KCNIP4: variants seen among roughly 807,000 people sequenced by gnomAD.
KCNIP4 encodes potassium voltage-gated channel interacting protein 4, also known as Kv channel-interacting protein 4.
KCNIP4 carries 12 observed loss-of-function variants against 34.0 expected under a neutral mutation model. The observed-to-expected ratio is 0.35, with a 90% CI of 0.23 to 0.57. The LOEUF (loss-of-function observed/expected upper bound fraction) is 0.57, where lower values mean the gene tolerates loss of function less well. KCNIP4 is among the 20% of genes least tolerant of loss of function. The pLI is 0.83. For synonymous variants in KCNIP4, 124 were observed against 102.2 expected, an observed-to-expected ratio of 1.21 and a Z score of -1.29; for missense variants, 238 against 311.7, an observed-to-expected ratio of 0.76 and a Z score of 1.78.
chr4:21,190,498 C>T (rs201433014), intron 1 of KCNIP4, among the ~76,000 whole-genome samples: 21 of 108,974 alleles, frequency 1.9e-4, no homozygotes, highest in Admixed American at 1.7e-3. Context: ...TTTCTTTTTG[C>T]GAGTGGGTGG....
At chr4:21,603,524 T>G (rs1743382417) in intron 1 of KCNIP4, among the ~76,000 whole-genome samples, 1 of 152,170 alleles carries the variant, frequency 6.6e-6, no homozygotes, top group Admixed American at 6.5e-5. Context: ...TACATTTTAT[T>G]AACTAAGAGG....
At chr4:21,451,704 A>T (rs867530802) in intron 1 of KCNIP4, among the ~76,000 whole-genome samples, 38 of 152,254 alleles carry the variant, frequency 2.5e-4, no homozygotes, top group Middle Eastern at 3.4e-3. Flanking sequence ...AAGCTTTACC[A>T]AACACGTCAG....
intron 1 of KCNIP4, among the ~76,000 whole-genome samples, chr4:21,832,057 T>G (rs550317930): frequency 2.0e-5 from 3 of 152,180 alleles, no homozygotes; most frequent in African/African-American, 7.2e-5. Context: ...CAAGTAAAAT[T>G]TATCCCTAGG....
At chr4:21,225,957 A>G (rs1468906432) in intron 1 of KCNIP4, among the ~76,000 whole-genome samples, 2 of 151,860 alleles carry the variant, frequency 1.3e-5, no homozygotes, top group East Asian at 1.9e-4. Context: ...AGCTTCAACA[A>G]TCTGTGACAA....
Position 21,550,320 on chromosome 4 carries a change from T to C in KCNIP4, c.61+398251A>G, listed in dbSNP as rs147033225. Among the ~76,000 whole-genome samples the C allele has an allele frequency of 2.8e-3, 427 of 152,202 alleles. 1 individual carries two copies. The highest frequency in any genetic ancestry group is 0.01 in the Middle Eastern group (3 of 294). On this transcript the variant is annotated intron_variant, in intron 1 of 8. Transcript: ENST00000382152. The stretch of plus-strand genomic sequence containing the variant: ...ATTAACATTGGAAGCAATTCTGTGC[T>C]TGAAAACTTGATCAGTCAAAGAGGG...
chr4:21,688,789 C>T (rs1413855401), intron 1 of KCNIP4, among the ~76,000 whole-genome samples: 2 of 151,872 alleles, frequency 1.3e-5, no homozygotes, highest in Non-Finnish European at 2.9e-5. Flanking sequence ...ACTTCCTGTT[C>T]CTACAAATAA....
At chr4:21,447,871 C>G (rs1236803643) in intron 1 of KCNIP4, among the ~76,000 whole-genome samples, 1 of 152,044 alleles carries the variant, frequency 6.6e-6, no homozygotes, top group Non-Finnish European at 1.5e-5. Flanking sequence ...GACTCACATC[C>G]CAGGCAGGAT....
At position 21,532,505 on chromosome 4, in the gene KCNIP4, G is replaced by A. The variant is rs556044593; in HGVS notation, c.61+416066C>T. ...TTGTTGTGCATGCTGAAAGACCACA[G>A]TGGGAAGCACACAGGCAGAGGGAAA... is the stretch of plus-strand genomic sequence containing the variant. On this transcript the variant is annotated intron_variant, in intron 1 of 8. Transcript: ENST00000382152. Among the ~76,000 whole-genome samples, 3 of 152,288 alleles carry A rather than the reference G, an allele frequency of 2.0e-5. No individual in the cohort carries two copies. The South Asian group carries it at 6.2e-4, about 32-fold the overall frequency.
At chr4:21,373,059 T>C (rs963493242) in intron 1 of KCNIP4, among the ~76,000 whole-genome samples, 1 of 91,056 alleles carries the variant, frequency 1.1e-5, no homozygotes, top group Non-Finnish European at 2.1e-5. Flanking sequence ...ATGGATTGGA[T>C]AAAATGGCTC....
intron 3 of KCNIP4, among the ~76,000 whole-genome samples, chr4:20,811,629 T>C (rs1245885617): frequency 6.6e-6 from 1 of 152,182 alleles, no homozygotes; most frequent in Non-Finnish European, 1.5e-5. Flanking sequence ...GTTTGTGTTT[T>C]TAAATAAAGA....
In KCNIP4 at chr4:21,811,189, A is replaced by G. The variant is rs74832808; in HGVS notation, c.61+137382T>C. Among the ~76,000 whole-genome samples, 645 of 152,324 alleles carry G rather than the reference A, an allele frequency of 4.2e-3. 3 individuals are homozygous for G. The highest frequency in any genetic ancestry group is 7.9e-3 in the Non-Finnish European group (535 of 68,030). On this transcript the variant is annotated intron_variant, in intron 1 of 8. Transcript: ENST00000382152. ...AAACAGCAACACATTTCAGATTTACAATACTTTAAAAAGCAAAGATCAAAC... is the reference window on the plus strand; with the variant it reads ...AAACAGCAACACATTTCAGATTTACGATACTTTAAAAAGCAAAGATCAAAC...
At chr4:20,885,585 G>A (rs540025426) in intron 1 of KCNIP4, among the ~76,000 whole-genome samples, 67 of 152,200 alleles carry the variant, frequency 4.4e-4, no homozygotes, top group East Asian at 9.7e-4. Context: ...ATAAAACTCC[G>A]GGTCTCTTGC....
chr4:21,424,595 GAA>G (rs1725780754), intron 1 of KCNIP4, among the ~76,000 whole-genome samples: 1 of 146,832 alleles, frequency 6.8e-6, no homozygotes, highest in East Asian at 2.0e-4. Context: ...AAGAAAGAAA[GAA>G]AGAGAGAAAA....
At chr4:20,790,955 A>C (rs769927480) in intron 3 of KCNIP4, among the ~76,000 whole-genome samples, 16 of 152,186 alleles carry the variant, frequency 1.1e-4, no homozygotes, top group Non-Finnish European at 1.9e-4. Context: ...TAGAATTCAG[A>C]AAGAATAAGG....
chr4:21,005,275 A>C (rs556091732), intron 1 of KCNIP4, among the ~76,000 whole-genome samples: 1 of 152,306 alleles, frequency 6.6e-6, no homozygotes, highest in Admixed American at 6.5e-5. Context: ...GGCTCAGTAC[A>C]CAGGCAGAGC....
At chr4:21,510,095 A>C (rs1577489936) in intron 1 of KCNIP4, among the ~76,000 whole-genome samples, 1 of 151,760 alleles carries the variant, frequency 6.6e-6, no homozygotes, top group Non-Finnish European at 1.5e-5. Context: ...AAAAAAAAAA[A>C]AAAAAGGCAG....
At chr4:21,815,115 G>A (rs1023105825) in intron 1 of KCNIP4, among the ~76,000 whole-genome samples, 2 of 152,202 alleles carry the variant, frequency 1.3e-5, no homozygotes, top group South Asian at 2.1e-4. Context: ...TATGAGGATC[G>A]TGTACACCAG....
intron 1 of KCNIP4, among the ~76,000 whole-genome samples, chr4:21,211,486 T>G (rs1306547766): frequency 6.6e-6 from 1 of 152,104 alleles, no homozygotes; most frequent in African/African-American, 2.4e-5. Context: ...CCAGGTTGCA[T>G]GCTCCTTATG....
intron 1 of KCNIP4, among the ~76,000 whole-genome samples, chr4:21,029,759 A>G (rs750558514): frequency 1.3e-5 from 2 of 152,164 alleles, no homozygotes; most frequent in African/African-American, 2.4e-5. Flanking sequence ...ATGGAAGGTG[A>G]GTGGCCCATG....
Sources: allele counts gnomAD v4.1 joint callset (sites outside exome capture counted in the v4.1 genomes callset), GRCh38; gene constraint gnomAD v4.1.1; transcripts MANE v1.5; gene names NCBI Gene and HGNC (gene_info 2026-07-23, HGNC 2026-07-21).